The following PRELID2 variants were observed in gnomAD, a reference collection of about 807,000 sequenced individuals.
The protein encoded by PRELID2 is PRELI domain-containing protein 2.
PRELID2 carries 25 observed loss-of-function variants against 28.4 expected under a neutral mutation model. The observed-to-expected ratio is 0.88, with a 90% CI of 0.64 to 1.23. The LOEUF (loss-of-function observed/expected upper bound fraction) is 1.23. PRELID2 is among the 50% of genes most tolerant of loss of function. PRELID2 has a pLI of 0.00. For synonymous variants in PRELID2, 76 were observed against 71.6 expected (o/e 1.06, Z -0.31); for missense variants, 201 against 214.4 (o/e 0.94, Z 0.39).
chr5:145,400,937 C>T, the PRELID2 span, among the ~76,000 whole-genome samples: 1 of 152,082 alleles, frequency 6.6e-6, no homozygotes, highest in Non-Finnish European at 1.5e-5. Context: ...ATAGGAAAGG[C>T]AGCAGCAAAG....
At chr5:145,730,333 A>G (rs556777109) in intron 1 of PRELID2, among the ~76,000 whole-genome samples, 95 of 152,204 alleles carry the variant, frequency 6.2e-4, no homozygotes, top group Non-Finnish European at 1.2e-3. Context: ...AGAAGAGAAG[A>G]GAAGTGTAAT....
At chr5:145,551,726 A>G (rs1752837053) in intron 1 of PRELID2, among the ~76,000 whole-genome samples, 1 of 152,194 alleles carries the variant, frequency 6.6e-6, no homozygotes, top group African/African-American at 2.4e-5. Flanking sequence ...GTGATTTGGG[A>G]TCAGTTTAAT....
At chr5:145,617,464 C>T (rs1194223991) in intron 1 of PRELID2, among the ~76,000 whole-genome samples, 1 of 152,196 alleles carries the variant, frequency 6.6e-6, no homozygotes, top group African/African-American at 2.4e-5. Flanking sequence ...ATGGCTTCAG[C>T]TGCTCCCTCC....
chr5:145,740,514 A>C (rs1463596947), intron 1 of PRELID2, among the ~76,000 whole-genome samples: 3 of 137,196 alleles, frequency 2.2e-5, no homozygotes, highest in African/African-American at 5.3e-5. Flanking sequence ...AAAAGAATCT[A>C]ACTAGCATTT....
intron 1 of PRELID2, among the ~76,000 whole-genome samples, chr5:145,581,333 T>C (rs1409134270): frequency 6.6e-6 from 1 of 152,082 alleles, no homozygotes; most frequent in Non-Finnish European, 1.5e-5. Flanking sequence ...AAGCCTAAAG[T>C]GGTTTTTATG....
chr5:145,259,947 G>T, the PRELID2 span, among the ~76,000 whole-genome samples: 2 of 152,110 alleles, frequency 1.3e-5, no homozygotes, highest in Non-Finnish European at 2.9e-5. Flanking sequence ...GGTGGGAAAG[G>T]ATTGGATCAT....
the PRELID2 span, among the ~76,000 whole-genome samples, chr5:145,274,068 T>A: frequency 9.9e-5 from 15 of 152,152 alleles, no homozygotes; most frequent in Admixed American, 4.6e-4. Flanking sequence ...CATAACACTC[T>A]AAATGAGACA....
At chr5:145,613,742 T>C (rs994920279) in intron 1 of PRELID2, among the ~76,000 whole-genome samples, 3 of 152,268 alleles carry the variant, frequency 2.0e-5, no homozygotes, top group East Asian at 1.9e-4. Flanking sequence ...CAGATGTATA[T>C]ATTATAAAGA....
chr5:145,416,290 G>A, the PRELID2 span, among the ~76,000 whole-genome samples: 9 of 151,856 alleles, frequency 5.9e-5, no homozygotes, highest in East Asian at 5.8e-4. Context: ...AGACTTAAAC[G>A]TTAGACCTAA....
At chr5:145,718,037 G>A (rs997352633) in intron 1 of PRELID2, among the ~76,000 whole-genome samples, 5 of 151,894 alleles carry the variant, frequency 3.3e-5, no homozygotes, top group African/African-American at 9.7e-5. Context: ...ATTGAAGTTC[G>A]TGGAAAGCAA....
At chr5:145,675,176 A>G (rs1754789774) in intron 1 of PRELID2, among the ~76,000 whole-genome samples, 1 of 152,154 alleles carries the variant, frequency 6.6e-6, no homozygotes, top group African/African-American at 2.4e-5. Flanking sequence ...ATAATGAGTT[A>G]ATATTATAAA....
At chr5:145,820,170 C>T (rs1257208980) in intron 2 of PRELID2, 152 bp from the exon 3 acceptor site, 5 of 567,498 alleles carry the variant, frequency 8.8e-6, no homozygotes, top group Non-Finnish European at 1.5e-5. Flanking sequence ...GGCACGGTCT[C>T]GGCTCACTGC....
At chr5:145,499,672 T>C (rs1298335627) in intron 1 of PRELID2, among the ~76,000 whole-genome samples, 2 of 152,164 alleles carry the variant, frequency 1.3e-5, no homozygotes, top group East Asian at 1.9e-4. Context: ...TGCCCAGCGA[T>C]AGAAGAATTT....
At chr5:145,609,897 G>T (rs1210042801) in intron 1 of PRELID2, among the ~76,000 whole-genome samples, 1 of 152,222 alleles carries the variant, frequency 6.6e-6, no homozygotes, top group Non-Finnish European at 1.5e-5. Flanking sequence ...TGGTCTGGAA[G>T]CTGGTACTGG....
chr5:145,284,690 C>G, the PRELID2 span, among the ~76,000 whole-genome samples: 1 of 151,964 alleles, frequency 6.6e-6, no homozygotes, highest in Non-Finnish European at 1.5e-5. Context: ...CTATTTAAAT[C>G]CCAACTTTCT....
chr5:145,635,427 G>T (rs533001462), intron 1 of PRELID2, among the ~76,000 whole-genome samples: 1 of 152,104 alleles, frequency 6.6e-6, no homozygotes, highest in African/African-American at 2.4e-5. Flanking sequence ...TATATACCAG[G>T]TATTAACTTC....
chr5:145,443,699 C>T, the PRELID2 span, among the ~76,000 whole-genome samples: 5 of 152,052 alleles, frequency 3.3e-5, no homozygotes, highest in Non-Finnish European at 5.9e-5. Flanking sequence ...AAATTCCCTC[C>T]TTTGAGCTCT....
chr5:145,700,941 A>C (rs1210107969), intron 1 of PRELID2, among the ~76,000 whole-genome samples: 2 of 152,098 alleles, frequency 1.3e-5, no homozygotes, highest in Non-Finnish European at 2.9e-5. Context: ...CCATAGAATT[A>C]TCTCTGTGTG....
the PRELID2 span, among the ~76,000 whole-genome samples, chr5:145,445,405 A>G: frequency 2.2e-4 from 33 of 152,252 alleles, no homozygotes; most frequent in African/African-American, 7.7e-4. Flanking sequence ...CCTATATGTA[A>G]GAACTGAAAC....
Sources: allele counts gnomAD v4.1 joint callset (sites outside exome capture counted in the v4.1 genomes callset), GRCh38; gene constraint gnomAD v4.1.1; transcripts MANE v1.5; gene names NCBI Gene and HGNC (gene_info 2026-07-23, HGNC 2026-07-21).